Variants in FYB2 observed in about 807,000 individuals in gnomAD.
The protein encoded by FYB2 is FYN binding protein 2.
Under a neutral mutation model 94.1 loss-of-function variants are expected in FYB2, and 103 were observed. The observed-to-expected ratio is 1.09, with a 90% CI of 0.93 to 1.29. The LOEUF (loss-of-function observed/expected upper bound fraction) is 1.29. FYB2 is among the 50% of genes most tolerant of loss of function. The probability of loss-of-function intolerance (pLI) is 0.00; values close to 1 mark genes in which losing one functional copy is unlikely to be tolerated. For synonymous variants in FYB2, 293 were observed against 287.9 expected, an observed-to-expected ratio of 1.02 and a Z score of -0.18; for missense variants, 896 against 841.5, an observed-to-expected ratio of 1.06 and a Z score of -0.80.
At chr1:56,791,896 G>A (rs543647181) in intron 2 of FYB2, among the ~76,000 whole-genome samples, 160 bp downstream of exon 2, 1 of 152,140 alleles carries the variant, frequency 6.6e-6, no homozygotes, top group Non-Finnish European at 1.5e-5. Flanking sequence ...ACTCAAACCC[G>A]AGGTTACAAT....
At chr1:56,732,393 T>C (rs1434448868) in intron 15 of FYB2, among the ~76,000 whole-genome samples, 3 of 152,168 alleles carry the variant, frequency 2.0e-5, no homozygotes, top group Non-Finnish European at 4.4e-5. Context: ...ATTGTTAAAA[T>C]GACCATATTA....
At chr1:56,776,196 G>A (rs1302029546) in intron 4 of FYB2, among the ~76,000 whole-genome samples, 1 of 152,160 alleles carries the variant, frequency 6.6e-6, no homozygotes, top group Non-Finnish European at 1.5e-5. Context: ...CAAGGAGCCT[G>A]TGAGTGGGCT....
chr1:56,737,551 T>A (rs1644857132), intron 14 of FYB2: 1 of 155,308 alleles, frequency 6.4e-6, no homozygotes, highest in Non-Finnish European at 1.4e-5. Flanking sequence ...AGAAACAGCT[T>A]AATAGAACAG....
intron 7 of FYB2, among the ~76,000 whole-genome samples, chr1:56,754,197 A>G (rs1645270839): frequency 6.6e-6 from 1 of 152,048 alleles, no homozygotes; most frequent in Non-Finnish European, 1.5e-5. Context: ...CTTAAGTTTC[A>G]TCGTGATCTG....
intron 1 of FYB2, among the ~76,000 whole-genome samples, chr1:56,797,758 C>T (rs1321421941): frequency 6.6e-6 from 1 of 152,154 alleles, no homozygotes; most frequent in Non-Finnish European, 1.5e-5. Flanking sequence ...CTTGTAAATC[C>T]TTTTCCATTC....
intron 1 of FYB2, among the ~76,000 whole-genome samples, chr1:56,795,424 G>C (rs1646374008): frequency 1.3e-5 from 2 of 152,124 alleles, no homozygotes. Flanking sequence ...TATTATGAAT[G>C]ATGCTTCTAT....
At chr1:56,756,333 C>A (rs189580437) in intron 6 of FYB2, among the ~76,000 whole-genome samples, 14 of 152,234 alleles carry the variant, frequency 9.2e-5, no homozygotes, top group African/African-American at 3.4e-4. Flanking sequence ...CTCCGTTACT[C>A]GCTGATCATG....
intron 5 of FYB2, among the ~76,000 whole-genome samples, chr1:56,761,495 CGA>C (rs1379323736): frequency 8.5e-5 from 13 of 152,230 alleles, no homozygotes; most frequent in African/African-American, 3.1e-4. Context: ...AAGGTATCTG[CGA>C]GAGTCTCCAA....
chr1:56,768,619 T>C (rs1186791319), intron 4 of FYB2, among the ~76,000 whole-genome samples: 3 of 152,174 alleles, frequency 2.0e-5, no homozygotes, highest in Non-Finnish European at 4.4e-5. Flanking sequence ...CAAATCCCTC[T>C]TCTAAAGGCA....
In FYB2 at chr1:56,767,910, G is replaced by A; in HGVS notation, c.982C>T (p.His328Tyr). The stretch of plus-strand genomic sequence containing the variant: ...TATGAAATTGTTGCCTCGTAATTAT[G>A]TGGTTCTTCAAATTCTGCATTGAAA... ...RLFNAEFEEP[H>Y]NYEATISYLR... The change falls in exon 5 of 20, where the codon CAT (histidine) becomes TAT (tyrosine). Residue 328 changes from histidine to tyrosine, a missense_variant. Transcript: ENST00000343433. 1 of 1,610,912 alleles carries A rather than the reference G, an allele frequency of 6.2e-7. No individual in the cohort carries two copies. The highest frequency in any genetic ancestry group is 8.5e-7 in the Non-Finnish European group (1 of 1,178,798).
intron 1 of FYB2, among the ~76,000 whole-genome samples, chr1:56,816,776 C>A (rs750970459): frequency 1.3e-5 from 2 of 152,188 alleles, no homozygotes; most frequent in Non-Finnish European, 2.9e-5. Flanking sequence ...TGCTTTCAAA[C>A]CTGCTCTGTG....
chr1:56,794,311 T>C (rs1646344969), intron 1 of FYB2, among the ~76,000 whole-genome samples: 1 of 152,164 alleles, frequency 6.6e-6, no homozygotes, highest in Admixed American at 6.5e-5. Context: ...TCCTTCTTCC[T>C]CCCACTAAAC....
intron 1 of FYB2, among the ~76,000 whole-genome samples, chr1:56,795,284 G>A (rs889817618): frequency 1.3e-5 from 2 of 151,898 alleles, no homozygotes; most frequent in African/African-American, 4.8e-5. Context: ...TCAAGGTTTA[G>A]CCATGTTGAA....
upstream of FYB2, among the ~76,000 whole-genome samples, chr1:56,821,346 C>T (rs1646990024): frequency 6.6e-6 from 1 of 151,552 alleles, no homozygotes; most frequent in African/African-American, 2.4e-5. Flanking sequence ...GTGCTAGGTC[C>T]TAGGCACTAA....
At chr1:56,720,703 C>A (rs1234520623) in intron 17 of FYB2, 1 of 161,928 alleles carries the variant, frequency 6.2e-6, no homozygotes, top group African/African-American at 2.4e-5. Flanking sequence ...CTGCACCTGT[C>A]AACCCATCAC....
chr1:56,727,795 T>C (rs1487120460), intron 15 of FYB2, among the ~76,000 whole-genome samples: 2 of 152,142 alleles, frequency 1.3e-5, no homozygotes, highest in Non-Finnish European at 2.9e-5. Flanking sequence ...CGTTTTACCA[T>C]GTTTTACCAT....
intron 4 of FYB2, among the ~76,000 whole-genome samples, chr1:56,785,759 C>T (rs1020430258): frequency 1.3e-5 from 2 of 152,164 alleles, no homozygotes; most frequent in East Asian, 1.9e-4. Context: ...CTAGAGTGTC[C>T]CTTCCCATGC....
intron 9 of FYB2, among the ~76,000 whole-genome samples, chr1:56,750,371 G>A (rs184057709): frequency 1.5e-4 from 23 of 152,030 alleles, no homozygotes; most frequent in South Asian, 1.5e-3. Context: ...GACTGTGGCC[G>A]TTCTGTTGCT....
At chr1:56,751,573 CCA>C (rs1012931177) in intron 8 of FYB2, among the ~76,000 whole-genome samples, 5 of 152,154 alleles carry the variant, frequency 3.3e-5, no homozygotes, top group Non-Finnish European at 7.4e-5. Flanking sequence ...GTCACTGGTT[CCA>C]CAGTTAGTAA....
Sources: allele counts gnomAD v4.1 joint callset (sites outside exome capture counted in the v4.1 genomes callset), GRCh38; gene constraint gnomAD v4.1.1; transcripts MANE v1.5; gene names NCBI Gene and HGNC (gene_info 2026-07-23, HGNC 2026-07-21).